The following TGIF1 variants were observed in gnomAD, a reference collection of about 807,000 sequenced individuals.
TGIF1 encodes homeobox protein TGIF1.
Under a neutral mutation model 19.3 loss-of-function variants are expected in TGIF1, and 4 were observed. The observed-to-expected ratio is 0.21, with a 90% CI of 0.10 to 0.47. The LOEUF (loss-of-function observed/expected upper bound fraction) is 0.47, where lower values mean the gene tolerates loss of function less well. Ranked by LOEUF, TGIF1 falls within the 20% of genes least tolerant of loss-of-function variation. TGIF1 has a pLI of 0.98. For synonymous variants in TGIF1, 122 were observed against 129.3 expected (o/e 0.94, Z 0.38); for missense variants, 275 against 341.4 (o/e 0.81, Z 1.53).
intron 2 of TGIF1, among the ~76,000 whole-genome samples, chr18:3,429,756 A>T (rs1190444787): frequency 6.6e-6 from 1 of 152,232 alleles, no homozygotes; most frequent in Non-Finnish European, 1.5e-5. Flanking sequence ...TTAACACCAC[A>T]AAAAAGTTTG....
In TGIF1 at chr18:3,458,002, G is replaced by T. The variant is rs1051495561; in HGVS notation, c.*62G>T. On this transcript the variant is annotated 3_prime_UTR_variant, in exon 3 of 3. Transcript: ENST00000343820. ...GATTGCCGGGGTGAAGGCAAGAGAT[G>T]AATTGCATTATTTTATATATTTTTT... The T allele has an allele frequency of 8.4e-6, 12 of 1,428,154 alleles. No individual in the cohort carries two copies. Among genetic ancestry groups the T allele is most frequent in the Admixed American group, 6.9e-5 (4 of 57,752 alleles). The allele number at this position is 1,428,154 out of a possible 1,614,324, so 88.5% of individuals were successfully genotyped here.
At chr18:3,429,040 C>A (rs6506127) in intron 2 of TGIF1, among the ~76,000 whole-genome samples, 152,179 of 152,180 alleles carry the variant, frequency 1, 76,089 homozygotes, top group Non-Finnish European at 1. Context: ...GTGACAGAGC[C>A]AGACTCCGTC....
upstream of TGIF1, chr18:3,448,265 C>A: frequency 1.0e-6 from 1 of 985,424 alleles, no homozygotes. Flanking sequence ...CTCCTCCTCC[C>A]TGCGTCTCTC....
intron 1 of TGIF1, among the ~76,000 whole-genome samples, chr18:3,416,748 A>G (rs1330350450): frequency 6.6e-6 from 1 of 152,038 alleles, no homozygotes; most frequent in Non-Finnish European, 1.5e-5. Context: ...CCTGGCCAAC[A>G]TGGTGAATCC....
At chr18:3,455,140 T>C (rs981709528) in intron 1 of TGIF1, 1 of 152,222 alleles carries the variant, frequency 6.6e-6, no homozygotes, top group Non-Finnish European at 1.5e-5. Context: ...GAAGTACTGA[T>C]TTTTTTCAAG....
At chr18:3,421,932 G>A (rs1315132313) in intron 2 of TGIF1, among the ~76,000 whole-genome samples, 5 of 151,972 alleles carry the variant, frequency 3.3e-5, no homozygotes, top group African/African-American at 4.8e-5. Flanking sequence ...AGTGGCTCAC[G>A]CCTGTAATCC....
chr18:3,458,513 G>T lies in TGIF1; in HGVS notation c.*573G>T. ...GGAAGCTGGGGGGGTAGGGTGCAGT[G>T]TTAGGGGGTGTCACCAGCTCTTTGA... On this transcript the variant is annotated 3_prime_UTR_variant, in exon 3 of 3. Transcript: ENST00000343820. 1 of 158,342 alleles carries T rather than the reference G, an allele frequency of 6.3e-6. No homozygotes were observed. Among genetic ancestry groups the T allele is most frequent in the Non-Finnish European group, 1.4e-5 (1 of 72,004 alleles). 9.8% of individuals were successfully genotyped at this position (158,342 alleles called of 1,614,324 possible).
Position 3,459,675 on chromosome 18 carries a change from C to T in TGIF1, c.*1735C>T, listed in dbSNP as rs7243976. 78 of 152,262 alleles carry T rather than the reference C, an allele frequency of 5.1e-4. No individual in the cohort carries two copies. The highest frequency in any genetic ancestry group is 1.8e-3 in the African/African-American group (74 of 41,548). The allele number at this position is 152,262 out of a possible 1,614,324, so 9.4% of individuals were successfully genotyped here. The stretch of plus-strand genomic sequence containing the variant: ...ATGAGCAAGTCCTAAAAGGTTTGCC[C>T]TGTTACGGTGTTTCATCACTCATAC... On this transcript the variant is annotated 3_prime_UTR_variant, in exon 3 of 3. Coordinates refer to ENST00000343820, the MANE Select transcript of TGIF1 (RefSeq NM_003244.4).
chr18:3,447,810 C>A, upstream of TGIF1: 1 of 1,614,154 alleles, frequency 6.2e-7, no homozygotes, highest in Non-Finnish European at 8.5e-7. Flanking sequence ...GAGTTCACAT[C>A]TCCGTTTTTT....
Position 3,456,835 on chromosome 18 carries a change from A to G in TGIF1, c.243+255A>G, listed in dbSNP as rs1348687478. On this transcript the variant is annotated intron_variant, in intron 2 of 2. Transcript: ENST00000343820. The surrounding 1 kb of genome is among the most constrained non-coding windows in gnomAD (Gnocchi z 4.2). ...CCTTTATGCAACAGACATTAAAAGGAGGTTAAACCTTACTCTATTGTCCAG... is the reference window on the plus strand; with the variant it reads ...CCTTTATGCAACAGACATTAAAAGGGGGTTAAACCTTACTCTATTGTCCAG... The G allele has an allele frequency of 1.6e-6, 1 of 619,592 alleles. No individual in the cohort carries two copies. Among genetic ancestry groups the G allele is most frequent in the African/African-American group, 1.8e-5 (1 of 54,332 alleles). 38.4% of individuals were successfully genotyped at this position (619,592 alleles called of 1,614,324 possible).
At chr18:3,448,758 G>C (rs1326209937), upstream of TGIF1, among the ~76,000 whole-genome samples, 2 of 136,236 alleles carry the variant, frequency 1.5e-5, no homozygotes, top group Admixed American at 7.5e-5. Flanking sequence ...TGGCAGGCTA[G>C]CTCTAGTTCC....
In TGIF1 at chr18:3,451,472, G is replaced by A; in HGVS notation, c.16+967G>A. 23 of 987,842 alleles carry A rather than the reference G, an allele frequency of 2.3e-5. No homozygotes were observed. The highest frequency in any genetic ancestry group is 2.8e-5 in the Non-Finnish European group (23 of 831,660). The allele number at this position is 987,842 out of a possible 1,614,324, so 61.2% of individuals were successfully genotyped here. A position where few individuals can be genotyped will look rare whatever the true frequency, so the allele number is the denominator to read the frequency against. ...CCCGAGTGTTCCGCTGTGGGCTGGA[G>A]GTGGCGTTTCTGTCGTGATTTATGT... is the stretch of plus-strand genomic sequence containing the variant. On this transcript the variant is annotated intron_variant, in intron 1 of 2. Transcript: ENST00000343820. The surrounding 1 kb of genome is among the most constrained non-coding windows in gnomAD (Gnocchi z 5.4).
At chr18:3,450,043 C>G, upstream of TGIF1, 1 of 994,182 alleles carries the variant, frequency 1.0e-6, no homozygotes, top group Non-Finnish European at 1.2e-6. Flanking sequence ...GCGGCCGCCG[C>G]GCTCGGTCCA....
At position 3,427,354 on chromosome 18, in the gene TGIF1, C is replaced by G. The variant is rs566100213; in HGVS notation, c.-45+9139C>G. Among the ~76,000 whole-genome samples, 11 of 151,462 alleles carry G rather than the reference C, an allele frequency of 7.3e-5. No homozygotes were observed. The South Asian group carries it at 2.1e-3, about 29-fold the overall frequency. ...TTGCCCAGGCTAGAGTGCAGAGGCACAATTTCGGGACACTGCAACCTCCAC... is the reference window on the plus strand; with the variant it reads ...TTGCCCAGGCTAGAGTGCAGAGGCAGAATTTCGGGACACTGCAACCTCCAC... On this transcript the variant is annotated intron_variant, in intron 2 of 3. Coordinates refer to the TGIF1 transcript ENST00000401449.
rs759165103 is a variant in TGIF1 at position 3,430,671 on chromosome 18, ATTTTTTT to A, written c.-45+12470_-45+12476del. ...AGGCCCATGCCACCACACCCGGCTA[ATTTTTTT>A]TTTTTTTTTTTTTGGTAGAGATAGG... is the stretch of plus-strand genomic sequence containing the variant. On this transcript the variant is annotated intron_variant, in intron 2 of 3. Transcript: ENST00000401449. 5.6e-3 allele frequency among the ~76,000 whole-genome samples: 733 copies of A among 130,358 alleles called. 21 individuals carry two copies. In the East Asian group the frequency reaches 0.079, roughly 14 times the overall value. The allele number at this position is 130,358 out of a possible 152,430, so 85.5% of individuals were successfully genotyped here. A position where few individuals can be genotyped will look rare whatever the true frequency, so the allele number is the denominator to read the frequency against.
chr18:3,421,901 A>G (rs1442500455), intron 2 of TGIF1, among the ~76,000 whole-genome samples: 2 of 151,990 alleles, frequency 1.3e-5, no homozygotes, highest in Non-Finnish European at 2.9e-5. Flanking sequence ...CAGGTGAAAG[A>G]CAGGGATATT....
At position 3,438,596 on chromosome 18, in the gene TGIF1, A is replaced by AACACACACACACACACACACACACAC. The variant is rs56864804; in HGVS notation, c.-44-17751_-44-17726dup. Reference sequence around the variant, plus strand: ...CCATTCCCATCATTTCATACACACAAACACACACACACACACACACACACA... The same window carrying AACACACACACACACACACACACACAC: ...CCATTCCCATCATTTCATACACACAAACACACACACACACACACACACACACACACACACACACACACACACACACA... On this transcript the variant is annotated intron_variant, in intron 2 of 3. Coordinates refer to the TGIF1 transcript ENST00000401449. Among the ~76,000 whole-genome samples, 406 of 136,076 alleles carry AACACACACACACACACACACACACAC rather than the reference A, an allele frequency of 3.0e-3. 14 individuals are homozygous for AACACACACACACACACACACACACAC. The highest frequency in any genetic ancestry group is 4.5e-3 in the Non-Finnish European group (291 of 64,172). 89.3% of individuals were successfully genotyped at this position (136,076 alleles called of 152,430 possible). A position where few individuals can be genotyped will look rare whatever the true frequency, so the allele number is the denominator to read the frequency against.
At chr18:3,426,686 GC>G (rs1014775476) in intron 2 of TGIF1, among the ~76,000 whole-genome samples, 5 of 152,040 alleles carry the variant, frequency 3.3e-5, no homozygotes, top group Admixed American at 2.0e-4. Flanking sequence ...GTAGAATTTG[GC>G]AATATCTAAC....
At chr18:3,452,103 T>G in intron 1 of TGIF1, 3 of 1,613,888 alleles carry the variant, frequency 1.9e-6, no homozygotes, top group Non-Finnish European at 1.7e-6. Flanking sequence ...CCAGTGCTCC[T>G]TTTCCACGGC....
Sources: gnomAD v4.1 joint callset for allele counts (sites outside exome capture counted in the v4.1 genomes callset) on GRCh38, gnomAD v4.1.1 for gene constraint, Gnocchi (gnomAD v3.1) non-coding constraint, MANE v1.5 for transcripts, NCBI Gene and HGNC (gene_info 2026-07-23, HGNC 2026-07-21) for gene names.